Variants in IMPG1 observed in about 807,000 individuals in gnomAD.
IMPG1 encodes interphotoreceptor matrix proteoglycan of 150 kDa.
A neutral mutation model predicts 92.0 loss-of-function variants in IMPG1; 85 were observed. The ratio of observed to expected loss-of-function variants is 0.92; its 90% confidence interval spans 0.78 to 1.11. IMPG1 has a LOEUF of 1.11. Among genes scored for constraint, IMPG1 ranks in the 50% least tolerant of loss-of-function variants. IMPG1 has a pLI of 0.00. For missense variants in IMPG1, 1,022 were observed against 956.0 expected (o/e 1.07, Z -0.91); for synonymous variants, 367 against 334.1 (o/e 1.10, Z -1.08).
chr6:76,051,140 A>T (rs560268042), intron 1 of IMPG1, among the ~76,000 whole-genome samples: 3 of 152,192 alleles, frequency 2.0e-5, no homozygotes, highest in East Asian at 1.9e-4. Context: ...TCTTTCCCAA[A>T]TTTTTCTAAC....
intron 1 of IMPG1, among the ~76,000 whole-genome samples, chr6:76,066,706 C>T (rs117272551): frequency 0.021 from 3,185 of 152,174 alleles, 51 homozygotes; most frequent in Middle Eastern, 0.034. Flanking sequence ...ATGGACCTAA[C>T]AGACATTTAT....
At chr6:75,956,559 A>G (rs897623134) in intron 12 of IMPG1, among the ~76,000 whole-genome samples, 3 of 152,056 alleles carry the variant, frequency 2.0e-5, no homozygotes, top group African/African-American at 7.2e-5. Context: ...GTATTCATTG[A>G]TTTTTTGAAG....
At chr6:75,990,558 A>T (rs1782797141) in intron 12 of IMPG1, among the ~76,000 whole-genome samples, 1 of 151,294 alleles carries the variant, frequency 6.6e-6, no homozygotes, top group Non-Finnish European at 1.5e-5. Context: ...GTTTGGGAAC[A>T]GCCTGAGCAA....
At chr6:75,977,676 G>A (rs1782562466) in intron 12 of IMPG1, among the ~76,000 whole-genome samples, 1 of 151,856 alleles carries the variant, frequency 6.6e-6, no homozygotes, top group African/African-American at 2.4e-5. Context: ...AGAACTCGAG[G>A]TGGACTAAAG....
intron 12 of IMPG1, among the ~76,000 whole-genome samples, chr6:75,957,870 C>G (rs540358188): frequency 6.6e-5 from 10 of 152,268 alleles, no homozygotes; most frequent in African/African-American, 2.2e-4. Context: ...ATTTGTCAGT[C>G]TGTGTCTTTT....
At chr6:75,927,886 C>A (rs1394050176) in intron 15 of IMPG1, among the ~76,000 whole-genome samples, 2 of 152,078 alleles carry the variant, frequency 1.3e-5, no homozygotes, top group African/African-American at 2.4e-5. Context: ...CCATGTTATG[C>A]CCCAGAGACA....
intron 15 of IMPG1, among the ~76,000 whole-genome samples, chr6:75,924,879 CA>C: frequency 7.0e-6 from 1 of 143,120 alleles, no homozygotes; most frequent in South Asian, 2.2e-4. Flanking sequence ...AAGCCAGACA[CA>C]GACAAATACT....
intron 1 of IMPG1, among the ~76,000 whole-genome samples, chr6:76,049,971 G>A (rs1432414072): frequency 2.6e-5 from 4 of 152,144 alleles, no homozygotes; most frequent in African/African-American, 9.7e-5. Context: ...GCAACCCAGT[G>A]TAACTATGAT....
chr6:75,945,403 G>A (rs1781909972), intron 14 of IMPG1, among the ~76,000 whole-genome samples: 1 of 145,198 alleles, frequency 6.9e-6, no homozygotes, highest in South Asian at 2.2e-4. Flanking sequence ...AGGCTGGAGT[G>A]CAGTGGGGGC....
chr6:75,980,346 T>C (rs1271164056), intron 12 of IMPG1, among the ~76,000 whole-genome samples: 2 of 152,212 alleles, frequency 1.3e-5, no homozygotes, highest in African/African-American at 2.4e-5. Flanking sequence ...TGGAAGACAG[T>C]AGGATATTAA....
chr6:76,020,790 A>G (rs575432916), intron 6 of IMPG1, among the ~76,000 whole-genome samples: 5 of 152,140 alleles, frequency 3.3e-5, no homozygotes, highest in Admixed American at 1.3e-4. Context: ...CAAACCATAA[A>G]TTCTCATCAG....
At chr6:75,989,262 C>T (rs577987297) in intron 12 of IMPG1, among the ~76,000 whole-genome samples, 11 of 152,158 alleles carry the variant, frequency 7.2e-5, no homozygotes, top group Non-Finnish European at 1.6e-4. Context: ...ATTTTTGTTT[C>T]TCGAATACTG....
intron 8 of IMPG1, among the ~76,000 whole-genome samples, chr6:76,010,067 T>C (rs997157928): frequency 2.6e-5 from 4 of 152,268 alleles, no homozygotes; most frequent in African/African-American, 9.6e-5. Flanking sequence ...AAGGGTTTCA[T>C]CTTTTATAAC....
At chr6:76,014,726 T>A (rs1275882440) in intron 7 of IMPG1, among the ~76,000 whole-genome samples, 2 of 152,156 alleles carry the variant, frequency 1.3e-5, no homozygotes, top group East Asian at 3.9e-4. Context: ...ACCCTGGGAC[T>A]GGCATTGTAG....
Position 75,994,677 on chromosome 6 carries a change from C to T in IMPG1, c.1291+8241G>A, listed in dbSNP as rs1030448898. ...ATTTATTCACTATCACAGAACAGCACGGGAAAGACCCACCCCCATGATTCA... is the reference window on the plus strand; with the variant it reads ...ATTTATTCACTATCACAGAACAGCATGGGAAAGACCCACCCCCATGATTCA... On this transcript the variant is annotated intron_variant, in intron 12 of 16. Transcript: ENST00000369950. Among the ~76,000 whole-genome samples the T allele has an allele frequency of 6.6e-5, 10 of 152,258 alleles. 1 individual carries two copies. In the South Asian group the frequency reaches 1.0e-3, roughly 16 times the overall value.
chr6:76,001,654 A>T (rs1782991740), intron 12 of IMPG1, among the ~76,000 whole-genome samples: 2 of 152,224 alleles, frequency 1.3e-5, no homozygotes, highest in African/African-American at 4.8e-5. Context: ...CTGATTTGCC[A>T]GCCAGTGAGT....
At chr6:75,989,544 A>T (rs1290441765) in intron 12 of IMPG1, among the ~76,000 whole-genome samples, 1 of 152,214 alleles carries the variant, frequency 6.6e-6, no homozygotes, top group Non-Finnish European at 1.5e-5. Flanking sequence ...CTTAAACTCT[A>T]AGCATATGCA....
At chr6:75,964,736 A>G (rs1189705477) in intron 12 of IMPG1, among the ~76,000 whole-genome samples, 2 of 151,728 alleles carry the variant, frequency 1.3e-5, no homozygotes, top group Non-Finnish European at 1.5e-5. Flanking sequence ...GAGAATTTGC[A>G]TACTCATTAC....
intron 14 of IMPG1, among the ~76,000 whole-genome samples, chr6:75,940,825 C>T (rs1424957925): frequency 1.3e-5 from 2 of 152,152 alleles, no homozygotes. Flanking sequence ...AGAAACCTGG[C>T]ACTCCCAGAA....
Sources: gnomAD v4.1 joint callset for allele counts (sites outside exome capture counted in the v4.1 genomes callset) on GRCh38, gnomAD v4.1.1 for gene constraint, MANE v1.5 for transcripts, NCBI Gene and HGNC (gene_info 2026-07-23, HGNC 2026-07-21) for gene names.